SPATS2L: variants seen among roughly 807,000 people sequenced by gnomAD.
SPATS2L encodes SPATS2-like protein.
SPATS2L carries 30 observed loss-of-function variants against 59.6 expected under a neutral mutation model. That is an observed-to-expected ratio of 0.50 (90% CI 0.38 to 0.68). SPATS2L has a LOEUF of 0.68. Among genes scored for constraint, SPATS2L ranks in the 30% least tolerant of loss-of-function variants. The pLI, the probability that SPATS2L is intolerant of heterozygous loss-of-function variation, is 0.00. For missense variants in SPATS2L, 615 were observed against 700.0 expected (o/e 0.88, Z 1.37); for synonymous variants, 252 against 263.5 (o/e 0.96, Z 0.42).
At chr2:200,394,368 G>C (rs2082265641) in intron 3 of SPATS2L, among the ~76,000 whole-genome samples, 1 of 152,112 alleles carries the variant, frequency 6.6e-6, no homozygotes, top group Non-Finnish European at 1.5e-5. Flanking sequence ...CTCCTACCCT[G>C]CCTGAATGAT....
At chr2:200,392,024 C>A (rs1462028400) in intron 3 of SPATS2L, among the ~76,000 whole-genome samples, 1 of 152,092 alleles carries the variant, frequency 6.6e-6, no homozygotes, top group Non-Finnish European at 1.5e-5. Context: ...CACATTATTT[C>A]AGTATAAAAC....
intron 3 of SPATS2L, among the ~76,000 whole-genome samples, chr2:200,398,007 G>A (rs1191707059): frequency 5.9e-5 from 9 of 152,126 alleles, no homozygotes; most frequent in South Asian, 2.1e-4. Context: ...AAGGAAAATC[G>A]AGCAGAGAAT....
At chr2:200,331,237 C>A (rs1386153412) in intron 2 of SPATS2L, among the ~76,000 whole-genome samples, 1 of 152,200 alleles carries the variant, frequency 6.6e-6, no homozygotes, top group Non-Finnish European at 1.5e-5. Flanking sequence ...TGATGCTTAT[C>A]TGATTATGTT....
intron 2 of SPATS2L, among the ~76,000 whole-genome samples, chr2:200,370,252 A>G (rs1340299827): frequency 6.6e-6 from 1 of 152,264 alleles, no homozygotes; most frequent in Admixed American, 6.5e-5. Flanking sequence ...GATAATCATT[A>G]GGCTCCAAGA....
rs564248162 is a variant in SPATS2L, at chr2:200,473,343, C to G, written c.1281+291C>G. On this transcript the variant is annotated intron_variant, in intron 12 of 12. Transcript: ENST00000409140. ...CCCAGTGACACAGTTCTTCTCATGG[C>G]TAGGACTGCCACCATCCCTGGGGCC... Among the ~76,000 whole-genome samples the G allele has an allele frequency of 4.3e-4, 65 of 152,286 alleles. 1 individual carries two copies. The highest frequency in any genetic ancestry group is 1.5e-3 in the African/African-American group (64 of 41,558).
chr2:200,476,935 A>T (rs1371892478), intron 12 of SPATS2L, among the ~76,000 whole-genome samples: 2 of 152,130 alleles, frequency 1.3e-5, no homozygotes, highest in Non-Finnish European at 2.9e-5. Flanking sequence ...GAAAATGGGG[A>T]TGGAGTGGGA....
intron 3 of SPATS2L, among the ~76,000 whole-genome samples, chr2:200,404,795 T>C (rs953015624): frequency 1.3e-5 from 2 of 152,172 alleles, no homozygotes; most frequent in African/African-American, 4.8e-5. Context: ...GGGAGAATAC[T>C]CTTCCTTGCA....
At chr2:200,307,627 C>A (rs1220878757) in intron 1 of SPATS2L, among the ~76,000 whole-genome samples, 2 of 152,202 alleles carry the variant, frequency 1.3e-5, no homozygotes, top group South Asian at 2.1e-4. Context: ...ACGGGGTTGT[C>A]GTAGGATGCG....
intron 2 of SPATS2L, among the ~76,000 whole-genome samples, chr2:200,386,477 T>C (rs1169982082): frequency 6.6e-6 from 1 of 152,212 alleles, no homozygotes; most frequent in Non-Finnish European, 1.5e-5. Flanking sequence ...GTGTATGTTT[T>C]CTTACGAATA....
chr2:200,347,273 T>C (rs191671762), intron 2 of SPATS2L, among the ~76,000 whole-genome samples: 126 of 152,276 alleles, frequency 8.3e-4, no homozygotes, highest in Middle Eastern at 6.8e-3. Context: ...GCCAAAAGAC[T>C]GCATTTCCTA....
chr2:200,321,473 A>G (rs1471539909), intron 1 of SPATS2L, among the ~76,000 whole-genome samples: 4 of 152,314 alleles, frequency 2.6e-5, no homozygotes, highest in African/African-American at 4.8e-5. Context: ...AATGTGAACT[A>G]TTTTTATTAT....
chr2:200,451,623 C>T (rs947111574), intron 8 of SPATS2L, among the ~76,000 whole-genome samples: 4 of 152,124 alleles, frequency 2.6e-5, no homozygotes, highest in Non-Finnish European at 5.9e-5. Flanking sequence ...AAGAGCCCCT[C>T]CCCTCCCCTT....
intron 2 of SPATS2L, among the ~76,000 whole-genome samples, chr2:200,346,197 C>T (rs1158352787): frequency 1.3e-5 from 2 of 152,214 alleles, no homozygotes; most frequent in Admixed American, 1.3e-4. Context: ...TAACATCTGG[C>T]AGACTGACTT....
At chr2:200,336,170 G>A (rs57154222) in intron 2 of SPATS2L, among the ~76,000 whole-genome samples, 16,349 of 152,206 alleles carry the variant, frequency 0.11, 943 homozygotes, top group Non-Finnish European at 0.13. Flanking sequence ...TGTCAGCCAC[G>A]TTATGAGTTA....
At position 200,477,314 on chromosome 2, in the gene SPATS2L, C is replaced by G. The variant is rs540973160; in HGVS notation, c.1282-322C>G. ...ATCATCATTACTCTGCCCCTGGCTT[C>G]TGTTTTATTCTGCTATAGTTTAAGC... On this transcript the variant is annotated intron_variant, in intron 12 of 12. Transcript: ENST00000409140. Among the ~76,000 whole-genome samples, 7 of 152,142 alleles carry G rather than the reference C, an allele frequency of 4.6e-5. No individual in the cohort carries two copies. In the East Asian group the frequency reaches 1.4e-3, roughly 29 times the overall value.
At chr2:200,318,532 C>A (rs1034430758) in intron 1 of SPATS2L, among the ~76,000 whole-genome samples, 1 of 152,172 alleles carries the variant, frequency 6.6e-6, no homozygotes, top group Non-Finnish European at 1.5e-5. Flanking sequence ...ACTCCCTGAA[C>A]AAGAACTGTT....
chr2:200,457,095 GC>G (rs1217581582), intron 8 of SPATS2L, among the ~76,000 whole-genome samples: 1 of 152,010 alleles, frequency 6.6e-6, no homozygotes, highest in African/African-American at 2.4e-5. Context: ...TGTAGTTTGG[GC>G]TTCTGGCTCC....
intron 3 of SPATS2L, among the ~76,000 whole-genome samples, chr2:200,391,681 T>G (rs974974808): frequency 6.6e-6 from 1 of 152,256 alleles, no homozygotes; most frequent in Admixed American, 6.5e-5. Flanking sequence ...TAAATCTTCA[T>G]GTTAAATAAC....
intron 2 of SPATS2L, among the ~76,000 whole-genome samples, chr2:200,336,217 T>C (rs948244463): frequency 6.6e-6 from 1 of 152,226 alleles, no homozygotes; most frequent in Non-Finnish European, 1.5e-5. Context: ...GGCAAGAAGC[T>C]GGCCATGAAA....
Sources: allele counts gnomAD v4.1 joint callset (sites outside exome capture counted in the v4.1 genomes callset), GRCh38; gene constraint gnomAD v4.1.1; transcripts MANE v1.5; gene names NCBI Gene and HGNC (gene_info 2026-07-23, HGNC 2026-07-21).